PHLDB2: variants seen among roughly 807,000 people sequenced by gnomAD.
PHLDB2 encodes the protein pleckstrin homology like domain family B member 2.
PHLDB2 carries 71 observed loss-of-function variants against 123.6 expected under a neutral mutation model. The observed-to-expected ratio is 0.57, with a 90% confidence interval of 0.47 to 0.70. The LOEUF (loss-of-function observed/expected upper bound fraction) is 0.70, where lower values mean the gene tolerates loss of function less well. Ranked by LOEUF, PHLDB2 falls within the 30% of genes least tolerant of loss-of-function variation. The probability of loss-of-function intolerance (pLI) is 0.00; values close to 1 mark genes in which losing one functional copy is unlikely to be tolerated. For missense variants in PHLDB2, 1,446 were observed against 1,519.5 expected, an observed-to-expected ratio of 0.95 and a Z score of 0.80; for synonymous variants, 547 against 541.6, an observed-to-expected ratio of 1.01 and a Z score of -0.14.
At chr3:111,875,151 C>T (rs984339101) in intron 1 of PHLDB2, among the ~76,000 whole-genome samples, 1 of 151,864 alleles carries the variant, frequency 6.6e-6, no homozygotes, top group Non-Finnish European at 1.5e-5. Context: ...TTAGTCTGAT[C>T]AAGACTGTTT....
chr3:111,773,513 T>C (rs1244321638), intron 1 of PHLDB2, among the ~76,000 whole-genome samples: 2 of 152,206 alleles, frequency 1.3e-5, no homozygotes, highest in Non-Finnish European at 2.9e-5. Flanking sequence ...TGTAGCAAAA[T>C]ATGTTTCCAC....
chr3:111,929,918 T>G (rs1484542899), intron 5 of PHLDB2, among the ~76,000 whole-genome samples: 1 of 150,616 alleles, frequency 6.6e-6, no homozygotes, highest in African/African-American at 2.4e-5. Context: ...AGATTTTTTT[T>G]TTTTTTTTTT....
chr3:111,845,216 C>G (rs758698868), intron 1 of PHLDB2, among the ~76,000 whole-genome samples: 13 of 151,562 alleles, frequency 8.6e-5, no homozygotes, highest in Non-Finnish European at 1.5e-4. Flanking sequence ...TTAGCCAGGC[C>G]TGGTGGCACA....
At chr3:111,938,775 C>CT (rs1281005441) in intron 6 of PHLDB2, among the ~76,000 whole-genome samples, 7 of 150,266 alleles carry the variant, frequency 4.7e-5, no homozygotes, top group Non-Finnish European at 7.4e-5. Context: ...AAAAGAAGAG[C>CT]TTCCTTTCCT....
chr3:111,894,102 T>G (rs1260768507), intron 2 of PHLDB2, among the ~76,000 whole-genome samples: 1 of 112,378 alleles, frequency 8.9e-6, no homozygotes, highest in Non-Finnish European at 1.7e-5. Flanking sequence ...GATATTCCCC[T>G]TCCTGTGTCC....
intron 1 of PHLDB2, among the ~76,000 whole-genome samples, chr3:111,841,959 G>A (rs2063716604): frequency 6.6e-6 from 1 of 152,196 alleles, no homozygotes; most frequent in African/African-American, 2.4e-5. Flanking sequence ...CACAGTACAT[G>A]TATTAAGGAA....
intron 1 of PHLDB2, among the ~76,000 whole-genome samples, chr3:111,773,842 A>G (rs763485394): frequency 6.6e-6 from 1 of 152,188 alleles, no homozygotes; most frequent in South Asian, 2.1e-4. Flanking sequence ...TAATATCTCA[A>G]AACATTAGTT....
chr3:111,881,644 G>C (rs1366496305), intron 1 of PHLDB2, among the ~76,000 whole-genome samples: 1 of 151,980 alleles, frequency 6.6e-6, no homozygotes, highest in African/African-American at 2.4e-5. Flanking sequence ...ATATTTCTCT[G>C]TACTGAGAAT....
intron 16 of PHLDB2, among the ~76,000 whole-genome samples, chr3:111,972,798 C>T (rs889133503): frequency 6.6e-6 from 1 of 152,102 alleles, no homozygotes; most frequent in Admixed American, 6.5e-5. Flanking sequence ...AGATCTTTTG[C>T]AACCTTGTGC....
chr3:111,935,451 TAGTC>T (rs533675108), intron 6 of PHLDB2, among the ~76,000 whole-genome samples: 96 of 152,124 alleles, frequency 6.3e-4, no homozygotes, highest in Admixed American at 1.5e-3. Flanking sequence ...AGGAGTGTAT[TAGTC>T]AGGGTTCTCT....
intron 1 of PHLDB2, among the ~76,000 whole-genome samples, chr3:111,748,023 G>C (rs1393959095): frequency 6.6e-6 from 1 of 152,142 alleles, no homozygotes; most frequent in Non-Finnish European, 1.5e-5. Flanking sequence ...AGGGTTCTTG[G>C]TTCCACAATC....
intron 2 of PHLDB2, among the ~76,000 whole-genome samples, chr3:111,889,243 G>A (rs2066340970): frequency 6.6e-6 from 1 of 152,162 alleles, no homozygotes; most frequent in Admixed American, 6.5e-5. Context: ...GTACACTGAT[G>A]AAACAAGGAA....
At chr3:111,844,738 A>G (rs1437471154) in intron 1 of PHLDB2, among the ~76,000 whole-genome samples, 1 of 152,206 alleles carries the variant, frequency 6.6e-6, no homozygotes, top group Non-Finnish European at 1.5e-5. Flanking sequence ...TCCCCTTATT[A>G]GGTAATGTAC....
At chr3:111,844,479 A>C (rs773609063) in intron 1 of PHLDB2, among the ~76,000 whole-genome samples, 4 of 152,164 alleles carry the variant, frequency 2.6e-5, no homozygotes, top group Non-Finnish European at 5.9e-5. Flanking sequence ...CACCTTCTAG[A>C]ATCAATAAAT....
chr3:111,826,425 T>A (rs1218631258), intron 1 of PHLDB2, among the ~76,000 whole-genome samples: 1 of 152,230 alleles, frequency 6.6e-6, no homozygotes, highest in East Asian at 1.9e-4. Flanking sequence ...TTCAAGGGGA[T>A]AAAGCTGGCA....
intron 2 of PHLDB2, among the ~76,000 whole-genome samples, chr3:111,889,328 C>A (rs887158242): frequency 6.6e-6 from 1 of 151,986 alleles, no homozygotes. Context: ...CATGACACAG[C>A]CCCAGGAGAT....
intron 1 of PHLDB2, among the ~76,000 whole-genome samples, chr3:111,748,564 C>T (rs1256880115): frequency 6.6e-6 from 1 of 152,104 alleles, no homozygotes; most frequent in African/African-American, 2.4e-5. Flanking sequence ...ACTTGTTGCC[C>T]AGACTGGAGT....
intron 5 of PHLDB2, 152 bp downstream of exon 5, chr3:111,920,571 C>T: frequency 2.0e-6 from 2 of 985,116 alleles, no homozygotes; most frequent in African/African-American, 1.6e-5. Context: ...TAAGATCATA[C>T]ATTGTCAGAA....
chr3:111,918,942 A>T, intron 3 of PHLDB2, 130 bp from the exon 4 acceptor site: 1 of 912,338 alleles, frequency 1.1e-6, no homozygotes, highest in Non-Finnish European at 1.7e-6. Context: ...GTGCAGTTGC[A>T]GGGATGCTTT....
Sources: gnomAD v4.1 joint callset for allele counts (sites outside exome capture counted in the v4.1 genomes callset) on GRCh38, gnomAD v4.1.1 for gene constraint, MANE v1.5 for transcripts, NCBI Gene and HGNC (gene_info 2026-07-23, HGNC 2026-07-21) for gene names.